The following MYO16 variants were observed in gnomAD, a reference collection of about 807,000 sequenced individuals.
MYO16 encodes unconventional myosin-XVI.
In MYO16, 94 loss-of-function variants were observed where a neutral mutation model predicts 205.3. The ratio of observed to expected loss-of-function variants is 0.46; its 90% CI spans 0.39 to 0.54. The LOEUF is 0.54. Among genes scored for constraint, MYO16 ranks in the 20% least tolerant of loss-of-function variants. The pLI, the probability that MYO16 is intolerant of heterozygous loss-of-function variation, is 0.00. For missense variants in MYO16, 2,315 were observed against 2,387.5 expected (o/e 0.97, Z 0.63); for synonymous variants, 988 against 954.0 (o/e 1.04, Z -0.66).
chr13:108,897,968 A>AT, intron 14 of MYO16, 48 bp from the exon 15 acceptor site: 1 of 1,415,748 alleles, frequency 7.1e-7, no homozygotes, highest in Non-Finnish European at 1.0e-6. Flanking sequence ...CATCAATTTT[A>AT]TTTCTTAAAA....
chr13:108,580,625 C>T, the MYO16 span, among the ~76,000 whole-genome samples: 2 of 152,162 alleles, frequency 1.3e-5, no homozygotes, highest in South Asian at 2.1e-4. Flanking sequence ...TAAATTTAAA[C>T]TATAACAAGT....
At chr13:109,030,612 A>T (rs763745185) in intron 23 of MYO16, among the ~76,000 whole-genome samples, 18 of 152,136 alleles carry the variant, frequency 1.2e-4, no homozygotes, top group Non-Finnish European at 2.5e-4. Context: ...GTGAATATTG[A>T]TGATGTTTCT....
chr13:109,022,629 T>TTCTATATACGCATATAAACATATG (rs1566466538), intron 23 of MYO16, among the ~76,000 whole-genome samples: 1 of 133,228 alleles, frequency 7.5e-6, no homozygotes, highest in African/African-American at 2.9e-5. Context: ...TGTATATATA[T>TTCTATATACGCATATAAACATATG]TATATATATG....
At chr13:108,880,735 G>T (rs111553373) in intron 12 of MYO16, among the ~76,000 whole-genome samples, 18 of 152,070 alleles carry the variant, frequency 1.2e-4, no homozygotes, top group Admixed American at 8.5e-4. Flanking sequence ...TCTGTTTTGG[G>T]ACCAGTACCA....
At chr13:108,789,410 C>T (rs1418554203) in intron 5 of MYO16, among the ~76,000 whole-genome samples, 1 of 152,088 alleles carries the variant, frequency 6.6e-6, no homozygotes. Context: ...TAGCCCTCCC[C>T]CTTCATTTTT....
intron 1 of MYO16, among the ~76,000 whole-genome samples, chr13:108,648,281 C>A (rs1416339650): frequency 8.5e-5 from 13 of 152,162 alleles, no homozygotes. Context: ...AGTGGTGTCT[C>A]CATATCCCAG....
chr13:108,526,881 C>G, the MYO16 span, among the ~76,000 whole-genome samples: 1 of 152,140 alleles, frequency 6.6e-6, no homozygotes. Flanking sequence ...AGAGTACTGT[C>G]AGGGTTATAA....
chr13:108,503,772 C>G, the MYO16 span, among the ~76,000 whole-genome samples: 2 of 152,046 alleles, frequency 1.3e-5, no homozygotes, highest in Non-Finnish European at 2.9e-5. Context: ...ATCACAAATA[C>G]TTTTTAAACC....
the MYO16 span, among the ~76,000 whole-genome samples, chr13:108,528,198 T>C: frequency 5.3e-5 from 8 of 152,346 alleles, no homozygotes; most frequent in South Asian, 4.1e-4. Context: ...TTAGCACTTG[T>C]ATTTACCATA....
chr13:108,832,345 T>C (rs1350862875), intron 9 of MYO16, among the ~76,000 whole-genome samples: 1 of 151,870 alleles, frequency 6.6e-6, no homozygotes, highest in Non-Finnish European at 1.5e-5. Context: ...TTTCACCATG[T>C]TGGCCAGGCT....
At chr13:108,712,157 G>C (rs1379818811) in intron 2 of MYO16, among the ~76,000 whole-genome samples, 1 of 152,182 alleles carries the variant, frequency 6.6e-6, no homozygotes, top group African/African-American at 2.4e-5. Context: ...TTGGATATAT[G>C]TGGCTTTGTT....
chr13:108,964,487 T>C (rs966467238), intron 19 of MYO16, among the ~76,000 whole-genome samples: 5 of 152,226 alleles, frequency 3.3e-5, no homozygotes, highest in Non-Finnish European at 5.9e-5. Context: ...AAGAACTGTT[T>C]CCCTAACTGA....
In MYO16 at chr13:108,785,700, G is replaced by A. The variant is rs777603973; in HGVS notation, c.573G>A (p.Gly191=). Residue 191 remains glycine (G), a synonymous_variant, in exon 5 of 35, where the codon GGG becomes GGA. Coordinates refer to ENST00000457511, the MANE Select transcript of MYO16 (RefSeq NM_001198950.3). ...TCCCATTAGATTATGCTGTAGAAGG[G>A]ACAGAATCCAGCTCTATCCTGTTGA... The part of the protein sequence containing the change: ...GNIPLDYAVE[G]TESSSILLTY... 9.9e-6 allele frequency: 16 copies of A among 1,613,592 alleles called. No homozygotes were observed. Among genetic ancestry groups the A allele is most frequent in the African/African-American group, 1.3e-5 (1 of 75,016 alleles).
At chr13:108,596,681 A>G (rs1323481661) in intron 1 of MYO16, among the ~76,000 whole-genome samples, 2 of 152,238 alleles carry the variant, frequency 1.3e-5, no homozygotes, top group Non-Finnish European at 2.9e-5. Context: ...AAATGCCTGT[A>G]TGGTATGTGT....
At chr13:109,089,912 C>T (rs1397627927) in intron 27 of MYO16, among the ~76,000 whole-genome samples, 2 of 152,212 alleles carry the variant, frequency 1.3e-5, no homozygotes, top group Non-Finnish European at 2.9e-5. Context: ...AGGGAAGTCC[C>T]TTACCATACC....
At chr13:108,858,927 C>T (rs1878325247) in intron 11 of MYO16, among the ~76,000 whole-genome samples, 1 of 152,166 alleles carries the variant, frequency 6.6e-6, no homozygotes, top group African/African-American at 2.4e-5. Context: ...TGAGTATGGG[C>T]AGCACTTCGG....
chr13:108,942,132 A>G (rs548637502), intron 16 of MYO16, among the ~76,000 whole-genome samples: 206 of 152,134 alleles, frequency 1.4e-3, no homozygotes, highest in East Asian at 3.7e-3. Flanking sequence ...GTTGATTGTG[A>G]CAGTGCAGCT....
intron 13 of MYO16, among the ~76,000 whole-genome samples, chr13:108,886,084 T>A (rs943326883): frequency 1.3e-5 from 2 of 151,892 alleles, no homozygotes; most frequent in African/African-American, 4.8e-5. Context: ...GCCTCCCGGG[T>A]TGACGTCATT....
chr13:108,857,011 G>C (rs933728911), intron 11 of MYO16, among the ~76,000 whole-genome samples: 6 of 152,178 alleles, frequency 3.9e-5, no homozygotes, highest in Admixed American at 3.3e-4. Flanking sequence ...GCCCTGAACA[G>C]TCACTGAGGA....
Sources: gnomAD v4.1 joint callset for allele counts (sites outside exome capture counted in the v4.1 genomes callset) on GRCh38, gnomAD v4.1.1 for gene constraint, MANE v1.5 for transcripts, NCBI Gene and HGNC (gene_info 2026-07-23, HGNC 2026-07-21) for gene names.